Variants in CSMD1 observed in about 807,000 individuals in gnomAD.
The protein encoded by CSMD1 is CUB and Sushi multiple domains 1.
A neutral mutation model predicts 417.5 loss-of-function variants in CSMD1; 213 were observed. That is an observed-to-expected ratio of 0.51 (90% CI 0.46 to 0.57). The LOEUF is 0.57. Among genes scored for constraint, CSMD1 ranks in the 20% least tolerant of loss-of-function variants. CSMD1 has a pLI of 0.00. For synonymous variants in CSMD1, 2,862 were observed against 1,736.8 expected (o/e 1.65, Z -16.11); for missense variants, 6,923 against 4,529.7 (o/e 1.53, Z -15.17).
chr8:4,768,054 T>A (rs1297233226), intron 1 of CSMD1, among the ~76,000 whole-genome samples: 4 of 152,212 alleles, frequency 2.6e-5, no homozygotes, highest in Admixed American at 2.0e-4. Flanking sequence ...TTCTTTTTAA[T>A]GTCTTCAGCC....
chr8:3,171,212 GCA>G (rs1820563786), intron 37 of CSMD1, among the ~76,000 whole-genome samples: 1 of 152,156 alleles, frequency 6.6e-6, no homozygotes, highest in East Asian at 1.9e-4. Context: ...ATAAAGTATC[GCA>G]TGACTTCCTG....
intron 5 of CSMD1, among the ~76,000 whole-genome samples, chr8:3,876,029 C>G (rs1217480653): frequency 6.6e-6 from 1 of 152,140 alleles, no homozygotes; most frequent in Non-Finnish European, 1.5e-5. Flanking sequence ...TTTTTATACC[C>G]TTTGATCTTA....
At chr8:4,527,012 G>A (rs377254190) in intron 2 of CSMD1, among the ~76,000 whole-genome samples, 40 of 152,216 alleles carry the variant, frequency 2.6e-4, no homozygotes, top group East Asian at 2.3e-3. Context: ...TCTTTATAGA[G>A]CTATTGAGCT....
intron 3 of CSMD1, among the ~76,000 whole-genome samples, chr8:4,355,497 A>G (rs1175326240): frequency 6.6e-6 from 1 of 152,170 alleles, no homozygotes; most frequent in Non-Finnish European, 1.5e-5. Context: ...AGAGTGAATG[A>G]AAGGGAACAT....
intron 41 of CSMD1, among the ~76,000 whole-genome samples, chr8:3,125,990 A>G (rs1817490014): frequency 6.6e-6 from 1 of 152,200 alleles, no homozygotes; most frequent in African/African-American, 2.4e-5. Flanking sequence ...AAAAGAAAAA[A>G]GTTGAATTAG....
In CSMD1 at chr8:3,869,780, A is replaced by C. The variant is rs548531666; in HGVS notation, c.819-115738T>G. ...AACACGGGGCCAGGGGTTTGATGTC[A>C]GGGAAGGCAAGATGGGAGCTTGCCA... On this transcript the variant is annotated intron_variant, in intron 5 of 69. Transcript: ENST00000635120. 2.0e-5 allele frequency among the ~76,000 whole-genome samples: 3 copies of C among 152,222 alleles called. No individual in the cohort carries two copies. The South Asian group carries it at 6.2e-4, about 32-fold the overall frequency.
At chr8:4,830,008 T>C (rs563096908) in intron 1 of CSMD1, among the ~76,000 whole-genome samples, 1 of 152,336 alleles carries the variant, frequency 6.6e-6, no homozygotes, top group South Asian at 2.1e-4. Context: ...GCTCTCGTGA[T>C]GAACTGCCTG....
intron 3 of CSMD1, among the ~76,000 whole-genome samples, chr8:4,404,976 A>G (rs79270680): frequency 0.033 from 5,013 of 152,328 alleles, 155 homozygotes; most frequent in South Asian, 0.11. Flanking sequence ...GAGGCACAAG[A>G]GGATTAGTCA....
intron 7 of CSMD1, among the ~76,000 whole-genome samples, chr8:3,623,740 C>G (rs1164788126): frequency 6.6e-6 from 1 of 151,998 alleles, no homozygotes; most frequent in Non-Finnish European, 1.5e-5. Flanking sequence ...CTTTGGGAGG[C>G]CAAGGCAGGC....
rs984774144 is a variant in CSMD1, at chr8:3,753,246, G to A, written c.931+684C>T. On this transcript the variant is annotated intron_variant, in intron 6 of 69. Coordinates refer to ENST00000635120, the MANE Select transcript of CSMD1 (RefSeq NM_033225.6). ...GTCATGTTATTTTAATTTGGAAATC[G>A]AAGTGGAATGGTTTTTAGGAGACTG... 5.9e-5 allele frequency among the ~76,000 whole-genome samples: 9 copies of A among 152,222 alleles called. No homozygotes were observed. In the South Asian group the frequency reaches 6.2e-4, roughly 10 times the overall value.
At chr8:4,312,035 G>T (rs572553732) in intron 3 of CSMD1, among the ~76,000 whole-genome samples, 1 of 152,120 alleles carries the variant, frequency 6.6e-6, no homozygotes, top group African/African-American at 2.4e-5. Flanking sequence ...ATAGTGTGTT[G>T]AAATCATTGT....
At chr8:4,407,752 A>T (rs1796401723) in intron 3 of CSMD1, among the ~76,000 whole-genome samples, 1 of 152,210 alleles carries the variant, frequency 6.6e-6, no homozygotes, top group Admixed American at 6.5e-5. Context: ...GCATTCCTTT[A>T]AAAACAGTCA....
rs765283312 is a variant in CSMD1, at chr8:3,394,480, T to C, written c.2593+1714A>G. Among the ~76,000 whole-genome samples the C allele has an allele frequency of 2.6e-5, 4 of 151,930 alleles. No homozygotes were observed. In the East Asian group the frequency reaches 7.7e-4, roughly 29 times the overall value. ...TGGAACACATTCCCTCAAATGGAAG[T>C]AGAAAAAGCAAAGTCATCTACAGCT... On this transcript the variant is annotated intron_variant, in intron 17 of 69. Coordinates refer to ENST00000635120, the MANE Select transcript of CSMD1 (RefSeq NM_033225.6).
intron 3 of CSMD1, among the ~76,000 whole-genome samples, chr8:4,284,770 C>G (rs1585157616): frequency 6.6e-6 from 1 of 152,104 alleles, no homozygotes; most frequent in East Asian, 1.9e-4. Flanking sequence ...AACCACTTGC[C>G]TGGCTCTTTC....
In CSMD1 at chr8:4,613,802, C is replaced by G. The variant is rs76987918; in HGVS notation, c.302+23540G>C. Among the ~76,000 whole-genome samples, 790 of 146,960 alleles carry G rather than the reference C, an allele frequency of 5.4e-3. 5 individuals are homozygous for G. The highest frequency in any genetic ancestry group is 0.019 in the African/African-American group (753 of 39,564). On this transcript the variant is annotated intron_variant, in intron 2 of 69. Transcript: ENST00000635120. ...TCAAGACCACCCAGGGACTGGGATTCACATGGGAAATGGTTCAATGATGGT... is the reference window on the plus strand; with the variant it reads ...TCAAGACCACCCAGGGACTGGGATTGACATGGGAAATGGTTCAATGATGGT...
intron 1 of CSMD1, among the ~76,000 whole-genome samples, chr8:4,667,049 T>G (rs1386523929): frequency 6.6e-6 from 1 of 152,174 alleles, no homozygotes. Context: ...TATAAGTAAA[T>G]TTTTTAAACT....
At chr8:3,533,032 G>A (rs535840658) in intron 10 of CSMD1, among the ~76,000 whole-genome samples, 2 of 152,200 alleles carry the variant, frequency 1.3e-5, no homozygotes, top group South Asian at 2.1e-4. Flanking sequence ...TGTTTTAAGG[G>A]CAAAGATGTC....
intron 1 of CSMD1, among the ~76,000 whole-genome samples, chr8:4,813,516 C>G (rs955720662): frequency 5.0e-4 from 76 of 152,254 alleles, no homozygotes; most frequent in African/African-American, 1.7e-3. Context: ...TTATCCTAAG[C>G]ATAATGAGCA....
Position 3,086,051 on chromosome 8 carries a change from A to C in CSMD1, c.7474+1046T>G, listed in dbSNP as rs150990792. Among the ~76,000 whole-genome samples, 787 of 152,270 alleles carry C rather than the reference A, an allele frequency of 5.2e-3. 4 individuals are homozygous for C. Among genetic ancestry groups the C allele is most frequent in the Admixed American group, 0.011 (172 of 15,294 alleles). On this transcript the variant is annotated intron_variant, in intron 49 of 69. Coordinates refer to ENST00000635120, the MANE Select transcript of CSMD1 (RefSeq NM_033225.6). Reference sequence around the variant, plus strand: ...TGTCATTAGCCAGTGCTAGTGGGGCACAGACCATGGCGTGTTCTCTGAGCT... The same window carrying C: ...TGTCATTAGCCAGTGCTAGTGGGGCCCAGACCATGGCGTGTTCTCTGAGCT...
Sources: gnomAD v4.1 joint callset for allele counts (sites outside exome capture counted in the v4.1 genomes callset) on GRCh38, gnomAD v4.1.1 for gene constraint, MANE v1.5 for transcripts, NCBI Gene and HGNC (gene_info 2026-07-23, HGNC 2026-07-21) for gene names.